The following ERBB4 variants were observed in gnomAD, a reference collection of about 807,000 sequenced individuals.
The protein encoded by ERBB4 is erb-b2 receptor tyrosine kinase 4, also known as receptor tyrosine-protein kinase erbB-4.
ERBB4 carries 42 observed loss-of-function variants against 158.0 expected under a neutral mutation model. The observed-to-expected ratio is 0.27, with a 90% CI of 0.21 to 0.34. ERBB4 has a LOEUF of 0.34. Among genes scored for constraint, ERBB4 ranks in the 10% least tolerant of loss-of-function variants. The pLI, the probability that ERBB4 is intolerant of heterozygous loss-of-function variation, is 1.00. For missense variants in ERBB4, 1,333 were observed against 1,624.1 expected, an observed-to-expected ratio of 0.82 and a Z score of 3.08; for synonymous variants, 583 against 558.7, an observed-to-expected ratio of 1.04 and a Z score of -0.61.
chr2:211,743,423 G>A (rs1208554819), intron 5 of ERBB4, among the ~76,000 whole-genome samples: 1 of 152,160 alleles, frequency 6.6e-6, no homozygotes, highest in Non-Finnish European at 1.5e-5. Flanking sequence ...CACCCTTTCT[G>A]ATAATGGGAG....
intron 1 of ERBB4, among the ~76,000 whole-genome samples, chr2:212,327,508 G>T (rs11897313): frequency 6.6e-6 from 1 of 151,780 alleles, no homozygotes; most frequent in East Asian, 2.0e-4. Flanking sequence ...AGTGCTCAAG[G>T]CAGCTCCAGA....
At chr2:211,665,721 G>T (rs1243906185) in intron 14 of ERBB4, among the ~76,000 whole-genome samples, 3 of 152,122 alleles carry the variant, frequency 2.0e-5, no homozygotes, top group Non-Finnish European at 4.4e-5. Context: ...ATGTATTTGT[G>T]CTTGAAATAT....
intron 1 of ERBB4, among the ~76,000 whole-genome samples, chr2:212,481,180 A>G (rs1484516900): frequency 2.0e-5 from 3 of 151,994 alleles, no homozygotes; most frequent in Non-Finnish European, 4.4e-5. Flanking sequence ...ACAACAAATT[A>G]TATCATATAT....
intron 20 of ERBB4, among the ~76,000 whole-genome samples, chr2:211,507,496 A>G (rs186776230): frequency 4.6e-5 from 7 of 152,276 alleles, no homozygotes; most frequent in African/African-American, 1.4e-4. Flanking sequence ...ACTTCAAGCT[A>G]TGCTATAAGG....
intron 2 of ERBB4, among the ~76,000 whole-genome samples, chr2:211,962,617 G>A (rs550789679): frequency 1.2e-3 from 178 of 152,294 alleles, no homozygotes; most frequent in African/African-American, 4.1e-3. Context: ...GGTAAAAATG[G>A]AGTAGGTTGG....
intron 2 of ERBB4, among the ~76,000 whole-genome samples, chr2:212,051,922 A>C (rs769483259): frequency 3.3e-5 from 5 of 152,170 alleles, no homozygotes; most frequent in African/African-American, 4.8e-5. Context: ...TCAGATTTTG[A>C]CCTTAACACT....
At chr2:211,434,022 A>G (rs187135093) in intron 20 of ERBB4, among the ~76,000 whole-genome samples, 1 of 152,364 alleles carries the variant, frequency 6.6e-6, no homozygotes, top group Admixed American at 6.5e-5. Context: ...AGGAATATTT[A>G]TAAAATAATC....
intron 1 of ERBB4, among the ~76,000 whole-genome samples, chr2:212,476,033 C>T (rs961401967): frequency 6.6e-6 from 1 of 151,972 alleles, no homozygotes; most frequent in Non-Finnish European, 1.5e-5. Flanking sequence ...CCTATATCCT[C>T]CATATTTCAG....
chr2:211,973,404 T>C (rs994921977), intron 2 of ERBB4, among the ~76,000 whole-genome samples: 10 of 152,102 alleles, frequency 6.6e-5, no homozygotes, highest in Admixed American at 6.6e-4. Flanking sequence ...GGTTTCACCA[T>C]GTTAGTCAGG....
chr2:212,067,963 T>C (rs1050172811), intron 2 of ERBB4, among the ~76,000 whole-genome samples: 2 of 152,048 alleles, frequency 1.3e-5, no homozygotes, highest in South Asian at 2.1e-4. Flanking sequence ...GGGTACTATA[T>C]AGACTTAGAT....
intron 20 of ERBB4, among the ~76,000 whole-genome samples, chr2:211,530,823 A>G (rs1359037809): frequency 6.6e-6 from 1 of 152,154 alleles, no homozygotes; most frequent in Non-Finnish European, 1.5e-5. Flanking sequence ...TAGCAAGTCA[A>G]GGCTGCAGTG....
chr2:211,934,495 T>G (rs1030108758), intron 3 of ERBB4, among the ~76,000 whole-genome samples: 156 of 152,050 alleles, frequency 1.0e-3, no homozygotes, highest in African/African-American at 3.7e-3. Context: ...AATCAGTAAT[T>G]AGAGTCATCT....
intron 1 of ERBB4, among the ~76,000 whole-genome samples, chr2:212,460,555 C>A (rs1688520209): frequency 6.6e-6 from 1 of 152,170 alleles, no homozygotes; most frequent in Non-Finnish European, 1.5e-5. Context: ...AGGCTGGCAT[C>A]ATTTTGCCCC....
At chr2:212,037,574 A>G (rs959023631) in intron 2 of ERBB4, among the ~76,000 whole-genome samples, 2 of 152,344 alleles carry the variant, frequency 1.3e-5, no homozygotes, top group East Asian at 3.9e-4. Flanking sequence ...AAGTGGACAC[A>G]TTGGGTGTTC....
intron 20 of ERBB4, among the ~76,000 whole-genome samples, chr2:211,549,761 A>G (rs928192235): frequency 6.6e-6 from 1 of 152,186 alleles, no homozygotes; most frequent in African/African-American, 2.4e-5. Flanking sequence ...TGGAAGCTAG[A>G]TAATTGTGCA....
intron 2 of ERBB4, among the ~76,000 whole-genome samples, chr2:212,029,100 T>C (rs75553395): frequency 0.08 from 12,215 of 152,090 alleles, 693 homozygotes; most frequent in Non-Finnish European, 0.12. Flanking sequence ...AAGTTACTAC[T>C]CCTTCCTTAG....
At chr2:212,003,203 AAGAC>A (rs1236318583) in intron 2 of ERBB4, among the ~76,000 whole-genome samples, 2,224 of 53,376 alleles carry the variant, frequency 0.042, 467 homozygotes, top group Middle Eastern at 0.089. Flanking sequence ...GAAAGAAAGA[AAGAC>A]AGAAAGAAGG....
chr2:212,297,925 G>A (rs984445859), intron 1 of ERBB4, among the ~76,000 whole-genome samples: 7 of 151,560 alleles, frequency 4.6e-5, no homozygotes, highest in African/African-American at 1.7e-4. Context: ...TTGAAATAAA[G>A]TAAGTTCAAT....
At chr2:211,981,541 G>C (rs918959936) in intron 2 of ERBB4, among the ~76,000 whole-genome samples, 1 of 152,152 alleles carries the variant, frequency 6.6e-6, no homozygotes, top group African/African-American at 2.4e-5. Context: ...ATGCTATGCT[G>C]CAATGACACT....
Sources: allele counts gnomAD v4.1 joint callset (sites outside exome capture counted in the v4.1 genomes callset), GRCh38; gene constraint gnomAD v4.1.1; transcripts MANE v1.5; gene names NCBI Gene and HGNC (gene_info 2026-07-23, HGNC 2026-07-21).